Variants in R3HDM1 observed in about 807,000 individuals in gnomAD.
R3HDM1 encodes R3H domain containing 1.
In R3HDM1, 46 loss-of-function variants were observed where a neutral mutation model predicts 141.1. The observed-to-expected ratio is 0.33, with a 90% confidence interval of 0.26 to 0.42. The LOEUF (loss-of-function observed/expected upper bound fraction) is 0.42, where lower values mean the gene tolerates loss of function less well. Among genes scored for constraint, R3HDM1 ranks in the 10% least tolerant of loss-of-function variants. R3HDM1 has a pLI of 1.00. For synonymous variants in R3HDM1, 435 were observed against 472.9 expected (o/e 0.92, Z 1.04); for missense variants, 1,184 against 1,368.3 (o/e 0.87, Z 2.12).
chr2:135,622,417 A>G (rs765436559), intron 6 of R3HDM1: 32 of 984,394 alleles, frequency 3.3e-5, no homozygotes, highest in Non-Finnish European at 3.6e-5. Flanking sequence ...GTGAGAGGTT[A>G]ATTTTTTTTT....
intron 1 of R3HDM1, among the ~76,000 whole-genome samples, chr2:135,575,810 G>T (rs1356215838): frequency 6.6e-6 from 1 of 152,138 alleles, no homozygotes; most frequent in Non-Finnish European, 1.5e-5. Context: ...AAAGATGTCA[G>T]TTCTCCTTAA....
chr2:135,579,045 A>G (rs572529532), intron 1 of R3HDM1, among the ~76,000 whole-genome samples: 1 of 152,300 alleles, frequency 6.6e-6, no homozygotes, highest in South Asian at 2.1e-4. Context: ...AGAGAGCCAG[A>G]GGAATGATAT....
intron 3 of R3HDM1, among the ~76,000 whole-genome samples, chr2:135,611,258 C>CA (rs78409979): frequency 0.093 from 14,105 of 150,968 alleles, 907 homozygotes; most frequent in South Asian, 0.31. Context: ...CCCATCTCTA[C>CA]AAAAAAACAC....
chr2:135,662,703 G>A (rs1394124233), intron 19 of R3HDM1, among the ~76,000 whole-genome samples: 2 of 152,060 alleles, frequency 1.3e-5, no homozygotes, highest in South Asian at 2.1e-4. Flanking sequence ...AATTTCAAAA[G>A]GTATCAAAAG....
intron 19 of R3HDM1, among the ~76,000 whole-genome samples, chr2:135,662,645 A>C (rs1323231723): frequency 6.6e-6 from 1 of 152,242 alleles, no homozygotes; most frequent in Non-Finnish European, 1.5e-5. Flanking sequence ...GCTACCTAAA[A>C]TTTAATAACA....
chr2:135,603,608 TTTTG>T (rs2059803539), intron 2 of R3HDM1, among the ~76,000 whole-genome samples: 1 of 152,308 alleles, frequency 6.6e-6, no homozygotes, highest in Non-Finnish European at 1.5e-5. Flanking sequence ...TATTGGGTTT[TTTTG>T]TTTGTTTTGT....
chr2:135,554,475 G>A lies in R3HDM1; in HGVS notation c.-250+22842G>A, dbSNP rs190506645. On this transcript the variant is annotated intron_variant, in intron 1 of 26. Coordinates refer to ENST00000683871, the MANE Select transcript of R3HDM1 (RefSeq NM_001378107.1). ...TGAGCATCACTCTGTAAACATTCTT[G>A]GACAAGTTTTTATGTAGATGTATGT... 1.2e-3 allele frequency among the ~76,000 whole-genome samples: 184 copies of A among 152,228 alleles called. 2 individuals are homozygous for A. The highest frequency in any genetic ancestry group is 4.3e-3 in the African/African-American group (179 of 41,526).
intron 7 of R3HDM1, among the ~76,000 whole-genome samples, chr2:135,628,683 A>G (rs377263565): frequency 1.3e-5 from 2 of 152,072 alleles, no homozygotes; most frequent in Admixed American, 1.3e-4. Flanking sequence ...CTGGAGTGCA[A>G]TGGCACAATC....
chr2:135,650,054 A>G, intron 17 of R3HDM1, 51 bp downstream of exon 17: 1 of 1,165,408 alleles, frequency 8.6e-7, no homozygotes, highest in East Asian at 7.0e-5. Context: ...TGGATGTGTG[A>G]TGAATGCTCA....
chr2:135,587,057 CT>C, intron 1 of R3HDM1: 1 of 854,970 alleles, frequency 1.2e-6, no homozygotes, highest in Non-Finnish European at 1.4e-6. Context: ...ACAGCAAAAC[CT>C]AGATCTGTCA....
intron 7 of R3HDM1, among the ~76,000 whole-genome samples, chr2:135,625,300 AT>A (rs1393387379): frequency 6.6e-6 from 1 of 152,082 alleles, no homozygotes; most frequent in African/African-American, 2.4e-5. Flanking sequence ...AAATACAAAA[AT>A]TAGCTGGGCG....
At chr2:135,699,070 A>ATGGAT (rs769292337) in intron 21 of R3HDM1, among the ~76,000 whole-genome samples, 3,054 of 105,958 alleles carry the variant, frequency 0.029, 70 homozygotes, top group Non-Finnish European at 0.046. Context: ...GATTGATTAG[A>ATGGAT]TAGATTAGAT....
chr2:135,539,283 G>A (rs931141237), intron 1 of R3HDM1, among the ~76,000 whole-genome samples: 10 of 152,010 alleles, frequency 6.6e-5, no homozygotes, highest in East Asian at 3.9e-4. Context: ...CAAGTATTAC[G>A]TGCTGTACAT....
At chr2:135,652,093 C>A (rs2065207752) in intron 18 of R3HDM1, 61 bp downstream of exon 18, 6 of 1,492,066 alleles carry the variant, frequency 4.0e-6, no homozygotes, top group Non-Finnish European at 4.5e-6. Context: ...TCAGTTTTAA[C>A]TTCAAAGAAC....
rs189726801 is a variant in R3HDM1 at position 135,577,207 on chromosome 2, G to A, written c.-249-25293G>A. The stretch of plus-strand genomic sequence containing the variant: ...GAGACAACCAAAGATTGACAAATAC[G>A]TCTATATAAAAATAAGAAAATTTTA... On this transcript the variant is annotated intron_variant, in intron 1 of 26. Transcript: ENST00000683871. The A allele has an allele frequency of 8.1e-4, 795 of 983,372 alleles. 1 individual carries two copies. The highest frequency in any genetic ancestry group is 6.2e-3 in the African/African-American group (353 of 57,106). 60.9% of individuals were successfully genotyped at this position (983,372 alleles called of 1,614,324 possible). A position where few individuals can be genotyped will look rare whatever the true frequency, so the allele number is the denominator to read the frequency against.
chr2:135,659,320 C>T (rs1169980017), intron 18 of R3HDM1, among the ~76,000 whole-genome samples: 4 of 152,006 alleles, frequency 2.6e-5, no homozygotes, highest in African/African-American at 9.7e-5. Context: ...TGGTCTTGAA[C>T]TCCTGAGCTC....
intron 24 of R3HDM1, among the ~76,000 whole-genome samples, chr2:135,719,511 G>C (rs1285289157): frequency 6.6e-6 from 1 of 151,922 alleles, no homozygotes; most frequent in Non-Finnish European, 1.5e-5. Flanking sequence ...TTATCCATTA[G>C]ATATAAATGT....
chr2:135,666,799 G>C (rs2067567481), intron 19 of R3HDM1, among the ~76,000 whole-genome samples: 1 of 151,794 alleles, frequency 6.6e-6, no homozygotes, highest in South Asian at 2.1e-4. Context: ...AGTTGAACTT[G>C]CCCACCTACT....
chr2:135,701,902 A>G (rs1235227442), intron 21 of R3HDM1, among the ~76,000 whole-genome samples: 2 of 152,116 alleles, frequency 1.3e-5, no homozygotes. Flanking sequence ...CCATGTGCTT[A>G]TTTATCTTGT....
Sources: gnomAD v4.1 joint callset for allele counts (sites outside exome capture counted in the v4.1 genomes callset) on GRCh38, gnomAD v4.1.1 for gene constraint, MANE v1.5 for transcripts, NCBI Gene and HGNC (gene_info 2026-07-23, HGNC 2026-07-21) for gene names.